The following C6orf62 variants were observed in gnomAD, a reference collection of about 807,000 sequenced individuals.
C6orf62 encodes uncharacterized protein C6orf62.
In C6orf62, 16 loss-of-function variants were observed where a neutral mutation model predicts 26.8. The ratio of observed to expected loss-of-function variants is 0.60; its 90% CI spans 0.40 to 0.91. The LOEUF (loss-of-function observed/expected upper bound fraction) is 0.91, where lower values mean the gene tolerates loss of function less well. Ranked by LOEUF, C6orf62 falls within the 40% of genes least tolerant of loss-of-function variation. C6orf62 has a pLI of 0.00. For synonymous variants in C6orf62, 112 were observed against 91.5 expected, an observed-to-expected ratio of 1.22 and a Z score of -1.28; for missense variants, 192 against 271.4, an observed-to-expected ratio of 0.71 and a Z score of 2.06.
intron 2 of C6orf62, among the ~76,000 whole-genome samples, chr6:24,715,373 C>T (rs1434227979): frequency 2.0e-5 from 3 of 151,990 alleles, no homozygotes; most frequent in African/African-American, 7.2e-5. Flanking sequence ...TATTCATATT[C>T]CCCCCAAAAA....
upstream of C6orf62, chr6:24,719,696 C>A (rs1562173028): frequency 6.1e-5 from 90 of 1,486,372 alleles, no homozygotes; most frequent in East Asian, 2.2e-3. Context: ...TGTGGATCTG[C>A]CCCCGTTCAA....
At position 24,718,803 on chromosome 6, in the gene C6orf62, A is replaced by G. The variant is rs1779291619; in HGVS notation, c.-135T>C. 1 of 1,531,944 alleles carries G rather than the reference A, an allele frequency of 6.5e-7. No homozygotes were observed. The highest frequency in any genetic ancestry group is 8.7e-7 in the Non-Finnish European group (1 of 1,148,948). 94.9% of individuals were successfully genotyped at this position (1,531,944 alleles called of 1,614,324 possible). A position where few individuals can be genotyped will look rare whatever the true frequency, so the allele number is the denominator to read the frequency against. On this transcript the variant is annotated 5_prime_UTR_variant, in exon 1 of 5. Transcript: ENST00000378119. Reference sequence around the variant, plus strand: ...TGATTGATTAGCGAAAATCACGACTATAACCCAAAAACTGCACCTTCTGTC... The same window carrying G: ...TGATTGATTAGCGAAAATCACGACTGTAACCCAAAAACTGCACCTTCTGTC...
At chr6:24,710,385 C>G (rs1779097017) in intron 3 of C6orf62, 1 of 431,388 alleles carries the variant, frequency 2.3e-6, no homozygotes, top group Non-Finnish European at 3.1e-6. Flanking sequence ...TCTGCCTCAG[C>G]CTCCCAAGTA....
At chr6:24,720,080 G>C, upstream of C6orf62, 1 of 1,202,160 alleles carries the variant, frequency 8.3e-7, no homozygotes, top group Non-Finnish European at 1.0e-6. Flanking sequence ...AACAGACCAT[G>C]TTTCCAGAGT....
chr6:24,716,849 G>C (rs1001570357), intron 1 of C6orf62, among the ~76,000 whole-genome samples: 1 of 151,700 alleles, frequency 6.6e-6, no homozygotes, highest in Non-Finnish European at 1.5e-5. Context: ...TCAGCCTCTC[G>C]AGTAGCTGGG....
chr6:24,711,289 G>T (rs1779116269), intron 3 of C6orf62, among the ~76,000 whole-genome samples: 1 of 151,200 alleles, frequency 6.6e-6, no homozygotes, highest in Non-Finnish European at 1.5e-5. Context: ...TAAGCAGCAT[G>T]AAAGAAGTAA....
At chr6:24,719,651 G>C, upstream of C6orf62, 1 of 1,444,578 alleles carries the variant, frequency 6.9e-7, no homozygotes, top group Non-Finnish European at 9.1e-7. Context: ...CCCCCAGCCT[G>C]CAACTAGTCC....
intron 3 of C6orf62, among the ~76,000 whole-genome samples, chr6:24,711,494 G>A (rs1361227599): frequency 6.6e-6 from 1 of 151,986 alleles, no homozygotes; most frequent in Non-Finnish European, 1.5e-5. Context: ...ATATATTCAG[G>A]TTTTACAGTG....
intron 3 of C6orf62, 35 bp from the exon 4 acceptor site, chr6:24,708,946 A>G (rs1779068201): frequency 6.2e-7 from 1 of 1,613,086 alleles, no homozygotes. Flanking sequence ...ATTAAACTAC[A>G]AACAAGTTAT....
intron 1 of C6orf62, 82 bp downstream of exon 1, chr6:24,718,458 T>G: frequency 7.5e-7 from 1 of 1,339,096 alleles, no homozygotes; most frequent in Non-Finnish European, 1.0e-6. Flanking sequence ...TAACCTAATA[T>G]TCATAATAAT....
intron 2 of C6orf62, among the ~76,000 whole-genome samples, chr6:24,715,744 A>C (rs971443722): frequency 4.0e-5 from 6 of 149,220 alleles, no homozygotes; most frequent in African/African-American, 1.5e-4. Flanking sequence ...GCTACTCGGG[A>C]GGCTAAGGCA....
chr6:24,709,249 G>T, intron 3 of C6orf62: 1 of 985,280 alleles, frequency 1.0e-6, no homozygotes, highest in Non-Finnish European at 1.2e-6. Flanking sequence ...AACAGCAGTT[G>T]ATCAGGAAAT....
At chr6:24,708,032 G>C (rs528068445) in intron 4 of C6orf62, among the ~76,000 whole-genome samples, 58 of 151,796 alleles carry the variant, frequency 3.8e-4, no homozygotes, top group Admixed American at 5.3e-4. Flanking sequence ...GTCCAGGTCA[G>C]TGCTTCTGGA....
Position 24,718,783 on chromosome 6 carries a change from G to T in C6orf62, c.-115C>A. The T allele has an allele frequency of 6.4e-7, 1 of 1,559,980 alleles. No individual in the cohort carries two copies. On this transcript the variant is annotated 5_prime_UTR_variant, in exon 1 of 5. Coordinates refer to ENST00000378119, the MANE Select transcript of C6orf62 (RefSeq NM_030939.5). ...CATTTTTTTTCCTGCTAATATGATT[G>T]ATTAGCGAAAATCACGACTATAACC...
intron 2 of C6orf62, among the ~76,000 whole-genome samples, chr6:24,715,786 T>G (rs944482313): frequency 2.0e-5 from 3 of 147,800 alleles, no homozygotes; most frequent in African/African-American, 7.6e-5. Flanking sequence ...AGGGCAGAGG[T>G]TGCAGTGAGC....
intron 2 of C6orf62, 147 bp from the exon 3 acceptor site, chr6:24,714,587 T>C: frequency 1.8e-6 from 1 of 546,712 alleles, no homozygotes; most frequent in Non-Finnish European, 3.1e-6. Flanking sequence ...GAAGTAAACA[T>C]AATAGTTTAT....
chr6:24,714,617 G>GT (rs59131041), intron 2 of C6orf62, among the ~76,000 whole-genome samples, 177 bp from the exon 3 acceptor site: 23,272 of 152,092 alleles, frequency 0.15, 1,818 homozygotes, highest in South Asian at 0.26. Flanking sequence ...AGCTCATGAT[G>GT]TAATTTTTTA....
At position 24,716,796 on chromosome 6, in the gene C6orf62, C is replaced by A. The variant is rs533976581; in HGVS notation, c.130-472G>T. Among the ~76,000 whole-genome samples the A allele has an allele frequency of 2.0e-5, 3 of 151,926 alleles. No individual in the cohort carries two copies. The South Asian group carries it at 6.2e-4, about 32-fold the overall frequency. On this transcript the variant is annotated intron_variant, in intron 1 of 4. Coordinates refer to ENST00000378119, the MANE Select transcript of C6orf62 (RefSeq NM_030939.5). Reference sequence around the variant, plus strand: ...AGAGGGCAGTGGCACCATCTTGGCTCACTTGCAACCTCTGCCTCCTGGGTT... The same window carrying A: ...AGAGGGCAGTGGCACCATCTTGGCTAACTTGCAACCTCTGCCTCCTGGGTT...
rs1779043997 is a variant in C6orf62, at chr6:24,707,968, G to A, written c.564+809C>T. 4.0e-5 allele frequency among the ~76,000 whole-genome samples: 6 copies of A among 150,488 alleles called. No individual in the cohort carries two copies. In the South Asian group the frequency reaches 8.9e-4, roughly 22 times the overall value. On this transcript the variant is annotated intron_variant, in intron 4 of 4. Transcript: ENST00000378119. ...GGAGCTTGCAGCGAACTGAGATTGC[G>A]CCACGGCACTCCAGCCTGGGCGACA...
Sources: gnomAD v4.1 joint callset for allele counts (sites outside exome capture counted in the v4.1 genomes callset) on GRCh38, gnomAD v4.1.1 for gene constraint, MANE v1.5 for transcripts, NCBI Gene and HGNC (gene_info 2026-07-23, HGNC 2026-07-21) for gene names.